The following DOCK9 variants were observed in gnomAD, a reference collection of about 807,000 sequenced individuals.
The protein encoded by DOCK9 is dedicator of cytokinesis protein 9.
A neutral mutation model predicts 263.3 loss-of-function variants in DOCK9; 89 were observed. The observed-to-expected ratio is 0.34, with a 90% confidence interval of 0.28 to 0.40. DOCK9 has a LOEUF of 0.40. DOCK9 is among the 10% of genes least tolerant of loss of function. The pLI is 1.00. For synonymous variants in DOCK9, 976 were observed against 973.1 expected, an observed-to-expected ratio of 1.00 and a Z score of -0.06; for missense variants, 2,140 against 2,603.4, an observed-to-expected ratio of 0.82 and a Z score of 3.87.
In DOCK9 at chr13:98,855,998, T is replaced by C; in HGVS notation, c.3731A>G (p.Asn1244Ser). The change falls in exon 34 of 53, where the codon AAC becomes AGC. Residue 1244 changes from asparagine to serine, a missense_variant. Transcript: ENST00000682017. ...SPYTTSTPNI[N>S]SVRNADSRGS... Reference sequence around the variant, plus strand: ...TCTCGAATCAGCATTTCTCACACTGTTGATGTTTGGAGTTGAGGTTGTATA... The same window carrying C: ...TCTCGAATCAGCATTTCTCACACTGCTGATGTTTGGAGTTGAGGTTGTATA... 1 of 1,614,018 alleles carries C rather than the reference T, an allele frequency of 6.2e-7. No homozygotes were observed. Among genetic ancestry groups the C allele is most frequent in the Non-Finnish European group, 8.5e-7 (1 of 1,179,878 alleles).
In DOCK9 at chr13:98,848,605, G is replaced by A. The variant is rs1188799113; in HGVS notation, c.4048C>T (p.Arg1350Ter). ...CLHQFQYMGK[R>*]YIARNQEGLG... is the part of the protein sequence containing the mutation. ...GCCCCACAGTACCTGGCTATGTATC[G>A]CTTCCCCATGTACTGGAACTGGTGC... Residue 1350 changes from arginine (R) to a stop codon, truncating the protein, a stop_gained, in exon 37 of 53, where the codon CGA (arginine) becomes TGA (stop). Transcript: ENST00000682017. LOFTEE classifies it high-confidence loss of function. 2.5e-6 allele frequency: 4 copies of A among 1,612,020 alleles called. No individual in the cohort carries two copies. The highest frequency in any genetic ancestry group is 3.4e-6 in the Non-Finnish European group (4 of 1,179,310).
intron 1 of DOCK9, among the ~76,000 whole-genome samples, chr13:99,005,829 T>TA (rs1414907358): frequency 6.6e-6 from 1 of 152,004 alleles, no homozygotes; most frequent in African/African-American, 2.4e-5. Flanking sequence ...CTGGACAATA[T>TA]AAAAAAACAA....
intron 30 of DOCK9, chr13:98,866,916 A>G (rs2094043495): frequency 4.3e-6 from 1 of 235,150 alleles, no homozygotes; most frequent in East Asian, 1.3e-4. Context: ...GAAAAAATTC[A>G]CTAATTTATG....
rs781242456 is a variant in DOCK9, at chr13:98,797,383, C to T, written c.6017+6G>A. On this transcript the variant is annotated splice_donor_region_variant and intron_variant, in intron 51 of 52. Transcript: ENST00000682017. Reference sequence around the variant, plus strand: ...AAGAGAAAAAGATGCTTTCAGTGTGCTTTACCTGAAAACTTCCTTAAGCAG... The same window carrying T: ...AAGAGAAAAAGATGCTTTCAGTGTGTTTTACCTGAAAACTTCCTTAAGCAG... 2 of 1,612,558 alleles carry T rather than the reference C, an allele frequency of 1.2e-6. No individual in the cohort carries two copies. The highest frequency in any genetic ancestry group is 1.7e-6 in the Non-Finnish European group (2 of 1,178,898).
chr13:98,947,410 TAAAAA>T (rs35703620), intron 2 of DOCK9, among the ~76,000 whole-genome samples: 1 of 148,122 alleles, frequency 6.8e-6, no homozygotes, highest in African/African-American at 2.5e-5. Flanking sequence ...TGATGATAAT[TAAAAA>T]AAAAAATCAA....
chr13:98,922,030 C>G, intron 6 of DOCK9, 21 bp downstream of exon 6: 6 of 1,559,322 alleles, frequency 3.8e-6, no homozygotes, highest in Non-Finnish European at 5.2e-6. Flanking sequence ...GAGGGGAGGG[C>G]AAAGTGATGT....
intron 39 of DOCK9, chr13:98,833,055 C>T (rs1352597045): frequency 6.6e-5 from 10 of 151,970 alleles, no homozygotes; most frequent in Admixed American, 1.3e-4. Context: ...TCACAGTGAT[C>T]TTTCTATCAT....
At chr13:98,981,729 G>A (rs776956867), upstream of DOCK9, among the ~76,000 whole-genome samples, 1 of 152,202 alleles carries the variant, frequency 6.6e-6, no homozygotes, top group East Asian at 1.9e-4. Context: ...GACTGTCAAG[G>A]AGAGTCACAT....
intron 1 of DOCK9, among the ~76,000 whole-genome samples, chr13:98,994,162 G>A (rs1880461881): frequency 6.6e-6 from 1 of 152,268 alleles, no homozygotes; most frequent in Non-Finnish European, 1.5e-5. Context: ...GTGAAGGGCT[G>A]TTGGCGTGAG....
intron 37 of DOCK9, among the ~76,000 whole-genome samples, chr13:98,848,146 T>G (rs1255677365): frequency 2.6e-5 from 4 of 152,166 alleles, no homozygotes; most frequent in Non-Finnish European, 4.4e-5. Context: ...ATTCTTTCAT[T>G]AAGAAAGAAG....
intron 2 of DOCK9, among the ~76,000 whole-genome samples, chr13:98,945,558 G>A (rs149322309): frequency 1.7e-3 from 253 of 152,198 alleles, no homozygotes; most frequent in East Asian, 4.2e-3. Flanking sequence ...TCCCTGGGAG[G>A]TCATTTTAGG....
At chr13:98,920,123 G>A (rs1237332324) in intron 7 of DOCK9, among the ~76,000 whole-genome samples, 1 of 152,198 alleles carries the variant, frequency 6.6e-6, no homozygotes, top group African/African-American at 2.4e-5. Context: ...AAGGATGCAT[G>A]CAAAACTGGT....
chr13:98,834,429 C>T (rs1566651866), intron 39 of DOCK9: 1 of 152,184 alleles, frequency 6.6e-6, no homozygotes, highest in African/African-American at 2.4e-5. Context: ...CGACCAGGCT[C>T]ATTGTTGTGC....
intron 28 of DOCK9, 44 bp downstream of exon 28, chr13:98,868,187 A>C: frequency 1.9e-6 from 3 of 1,606,774 alleles, no homozygotes; most frequent in Non-Finnish European, 2.6e-6. Context: ...TAAAAAGCAC[A>C]TCTTTGTCCC....
intron 4 of DOCK9, among the ~76,000 whole-genome samples, chr13:98,923,674 T>C (rs1211131379): frequency 6.6e-6 from 1 of 152,210 alleles, no homozygotes; most frequent in Non-Finnish European, 1.5e-5. Context: ...GTAGAATAAC[T>C]TTTAATACAA....
At chr13:98,808,521 A>G (rs2090970901) in intron 47 of DOCK9, 1 of 728,274 alleles carries the variant, frequency 1.4e-6, no homozygotes, top group Non-Finnish European at 2.4e-6. Flanking sequence ...AAAATGGTGC[A>G]CAAAACAGTA....
At chr13:99,087,424 G>T (rs907892919), upstream of DOCK9, among the ~76,000 whole-genome samples, 6 of 152,240 alleles carry the variant, frequency 3.9e-5, no homozygotes, top group Non-Finnish European at 4.4e-5. Context: ...GGCCCTCACT[G>T]GGGCCGATTT....
At chr13:98,940,210 CATCA>C (rs1242331463) in intron 2 of DOCK9, among the ~76,000 whole-genome samples, 1 of 152,168 alleles carries the variant, frequency 6.6e-6, no homozygotes, top group Non-Finnish European at 1.5e-5. Context: ...GTTCTATTAA[CATCA>C]GACAAATTCC....
upstream of DOCK9, among the ~76,000 whole-genome samples, chr13:98,979,190 T>TAGTAGC (rs1876271717): frequency 1.7e-5 from 2 of 120,610 alleles, no homozygotes; most frequent in South Asian, 3.1e-4. Context: ...ATAGTAGTAG[T>TAGTAGC]AGTAGTAGTA....
Sources: gnomAD v4.1 joint callset for allele counts (sites outside exome capture counted in the v4.1 genomes callset) on GRCh38, gnomAD v4.1.1 for gene constraint, MANE v1.5 for transcripts, NCBI Gene and HGNC (gene_info 2026-07-23, HGNC 2026-07-21) for gene names.